Variants in SLC35F3 observed in about 807,000 individuals in gnomAD.
SLC35F3 encodes solute carrier family 35 member F3, also known as putative thiamine transporter SLC35F3.
In SLC35F3, 25 loss-of-function variants were observed where a neutral mutation model predicts 49.9. That is an observed-to-expected ratio of 0.50 (90% CI 0.37 to 0.70). The LOEUF is 0.70. Among genes scored for constraint, SLC35F3 ranks in the 30% least tolerant of loss-of-function variants. The pLI is 0.00. For synonymous variants in SLC35F3, 275 were observed against 265.4 expected, an observed-to-expected ratio of 1.04 and a Z score of -0.35; for missense variants, 525 against 639.8, an observed-to-expected ratio of 0.82 and a Z score of 1.94.
intron 2 of SLC35F3, among the ~76,000 whole-genome samples, chr1:234,170,584 C>G (rs1052057407): frequency 2.0e-5 from 3 of 152,124 alleles, no homozygotes; most frequent in Non-Finnish European, 2.9e-5. Flanking sequence ...ACTCATCTCC[C>G]TGAGGTATCC....
rs150044019 is a variant in SLC35F3, at chr1:234,088,098, C to T, written c.284-143319C>T. ...ATGCAGGGGATTTCTCTCTTCTGTA[C>T]GTTGTATTTCCAGCACCTACAGCAG... On this transcript the variant is annotated intron_variant, in intron 2 of 7. Transcript: ENST00000366618. Among the ~76,000 whole-genome samples the T allele has an allele frequency of 4.5e-3, 685 of 152,260 alleles. 4 individuals carry two copies. Among genetic ancestry groups the T allele is most frequent in the African/African-American group, 0.015 (610 of 41,534 alleles).
intron 2 of SLC35F3, among the ~76,000 whole-genome samples, chr1:234,177,624 A>G (rs1450452664): frequency 6.6e-6 from 1 of 152,192 alleles, no homozygotes; most frequent in African/African-American, 2.4e-5. Context: ...TGTGTCTCTA[A>G]AGGAGGAACT....
At chr1:234,230,978 C>T (rs1031715292) in intron 2 of SLC35F3, among the ~76,000 whole-genome samples, 1 of 152,170 alleles carries the variant, frequency 6.6e-6, no homozygotes, top group Non-Finnish European at 1.5e-5. Flanking sequence ...AGTACTGCCC[C>T]GCACCCAGGA....
At chr1:234,099,624 A>C (rs962393285) in intron 2 of SLC35F3, among the ~76,000 whole-genome samples, 4 of 149,202 alleles carry the variant, frequency 2.7e-5, no homozygotes, top group Admixed American at 6.6e-5. Context: ...AAAAAAAAAA[A>C]AAACAAAAAA....
intron 2 of SLC35F3, among the ~76,000 whole-genome samples, chr1:233,944,816 A>C (rs1341903249): frequency 6.6e-6 from 1 of 152,010 alleles, no homozygotes; most frequent in Admixed American, 6.6e-5. Context: ...GAAGCTTGTA[A>C]AACCAGCTGC....
chr1:234,264,505 A>G (rs189451347), intron 3 of SLC35F3, among the ~76,000 whole-genome samples: 1 of 152,228 alleles, frequency 6.6e-6, no homozygotes, highest in Non-Finnish European at 1.5e-5. Context: ...TGCCAAATCC[A>G]GTGACCATTC....
At chr1:234,291,433 G>GA (rs1243975603) in intron 3 of SLC35F3, among the ~76,000 whole-genome samples, 1 of 152,140 alleles carries the variant, frequency 6.6e-6, no homozygotes, top group East Asian at 1.9e-4. Flanking sequence ...CAGTTCCCCA[G>GA]AAAAATGGAG....
intron 2 of SLC35F3, among the ~76,000 whole-genome samples, chr1:234,198,353 CT>C (rs1666846654): frequency 1.3e-5 from 2 of 152,298 alleles, no homozygotes; most frequent in South Asian, 4.1e-4. Flanking sequence ...CATAATGCTG[CT>C]CTGAACATTT....
chr1:234,294,577 TG>T (rs2102987434), intron 3 of SLC35F3, among the ~76,000 whole-genome samples: 1 of 152,330 alleles, frequency 6.6e-6, no homozygotes. Context: ...CTGACGTCCC[TG>T]CCAACTGATA....
intron 2 of SLC35F3, among the ~76,000 whole-genome samples, chr1:234,062,683 C>CA (rs1553301823): frequency 1.8e-4 from 26 of 141,976 alleles, no homozygotes; most frequent in African/African-American, 6.7e-4. Context: ...TGAGCAAAAT[C>CA]TTTTTTTTTT....
At chr1:233,937,742 A>G (rs1662357415) in intron 2 of SLC35F3, among the ~76,000 whole-genome samples, 2 of 152,244 alleles carry the variant, frequency 1.3e-5, no homozygotes, top group South Asian at 2.1e-4. Flanking sequence ...AGCTAATGCT[A>G]TAATTTAGCA....
chr1:234,214,735 C>A lies in SLC35F3; in HGVS notation c.284-16682C>A. ...AGCGCCGCCGCCTGCGTGGGGGGAT[C>A]TGGCAGCTTCAGGGGCTGCCCTGAG... On this transcript the variant is annotated intron_variant, in intron 2 of 7. Coordinates refer to ENST00000366618, the MANE Select transcript of SLC35F3 (RefSeq NM_173508.4). This position sits in a 1 kb window ranked among gnomAD's most constrained non-coding sequence, Gnocchi z 8.0. 1 of 995,030 alleles carries A rather than the reference C, an allele frequency of 1.0e-6. No homozygotes were observed. The allele number at this position is 995,030 out of a possible 1,614,324, so 61.6% of individuals were successfully genotyped here. A position where few individuals can be genotyped will look rare whatever the true frequency, so the allele number is the denominator to read the frequency against.
intron 2 of SLC35F3, among the ~76,000 whole-genome samples, chr1:234,168,090 G>C (rs1426620908): frequency 6.6e-6 from 1 of 152,184 alleles, no homozygotes; most frequent in Non-Finnish European, 1.5e-5. Context: ...TCAGGCCTGA[G>C]GTCCCTGCCC....
intron 2 of SLC35F3, among the ~76,000 whole-genome samples, chr1:234,049,411 C>T (rs1289733812): frequency 6.6e-6 from 1 of 151,774 alleles, no homozygotes. Context: ...TGTGTGTGTG[C>T]ACATTGGAAA....
At chr1:234,073,423 G>T (rs1664748805) in intron 2 of SLC35F3, among the ~76,000 whole-genome samples, 1 of 152,184 alleles carries the variant, frequency 6.6e-6, no homozygotes, top group South Asian at 2.1e-4. Context: ...AGGATTACAG[G>T]CATGAACCAC....
At position 234,163,215 on chromosome 1, in the gene SLC35F3, T is replaced by C. The variant is rs144374436; in HGVS notation, c.284-68202T>C. Among the ~76,000 whole-genome samples, 280 of 152,368 alleles carry C rather than the reference T, an allele frequency of 1.8e-3. 2 individuals are homozygous for C. In the Middle Eastern group the frequency reaches 0.041, roughly 22 times the overall value. ...GTTTTTTCTTGCAGTATTTGGTATT[T>C]CCGCAAGGTACATCATACAATACAC... On this transcript the variant is annotated intron_variant, in intron 2 of 7. Transcript: ENST00000366618.
Position 234,236,924 on chromosome 1 carries a change from ATT to A in SLC35F3, c.608+5184_608+5185del, listed in dbSNP as rs1491486160. 3.7e-3 allele frequency among the ~76,000 whole-genome samples: 60 copies of A among 16,262 alleles called. 1 individual carries two copies. Among genetic ancestry groups the A allele is most frequent in the Non-Finnish European group, 5.9e-3 (46 of 7,792 alleles). 10.7% of individuals were successfully genotyped at this position (16,262 alleles called of 152,430 possible). The stretch of plus-strand genomic sequence containing the variant: ...GAGACAGTCTCCTATTAAAAAAAAA[ATT>A]ATATATATATATATATATATATATA... On this transcript the variant is annotated intron_variant, in intron 3 of 7. Transcript: ENST00000366618.
At chr1:233,993,565 A>G (rs550084981) in intron 2 of SLC35F3, among the ~76,000 whole-genome samples, 2 of 152,312 alleles carry the variant, frequency 1.3e-5, no homozygotes, top group African/African-American at 4.8e-5. Flanking sequence ...CTAAGGGCCC[A>G]TTGAGGGGCT....
chr1:234,236,127 G>C (rs1250685169), intron 3 of SLC35F3, among the ~76,000 whole-genome samples: 1 of 152,066 alleles, frequency 6.6e-6, no homozygotes, highest in Non-Finnish European at 1.5e-5. Flanking sequence ...CCTGGGGCAG[G>C]GTACAAAAGT....
Sources: allele counts gnomAD v4.1 joint callset (sites outside exome capture counted in the v4.1 genomes callset), GRCh38; gene constraint gnomAD v4.1.1; non-coding constraint Gnocchi (gnomAD v3.1); transcripts MANE v1.5; gene names NCBI Gene and HGNC (gene_info 2026-07-23, HGNC 2026-07-21).